BBS9: variants seen among roughly 807,000 people sequenced by gnomAD.
BBS9 encodes Bardet-Biedl syndrome 9.
Under a neutral mutation model 117.7 loss-of-function variants are expected in BBS9, and 89 were observed. The ratio of observed to expected loss-of-function variants is 0.76; its 90% CI spans 0.64 to 0.90. The LOEUF (loss-of-function observed/expected upper bound fraction) is 0.90, where lower values mean the gene tolerates loss of function less well. BBS9 is among the 40% of genes least tolerant of loss of function. The probability of loss-of-function intolerance (pLI) is 0.00; values close to 1 mark genes in which losing one functional copy is unlikely to be tolerated. For missense variants in BBS9, 982 were observed against 1,042.2 expected (o/e 0.94, Z 0.80); for synonymous variants, 379 against 370.9 (o/e 1.02, Z -0.25).
At chr7:33,342,630 TA>T (rs1563030079) in intron 11 of BBS9, among the ~76,000 whole-genome samples, 2 of 152,188 alleles carry the variant, frequency 1.3e-5, no homozygotes, top group African/African-American at 4.8e-5. Flanking sequence ...TTTTCTTTCT[TA>T]AGAGATTTCT....
At chr7:33,603,132 G>A (rs1317099422) in intron 21 of BBS9, among the ~76,000 whole-genome samples, 1 of 152,138 alleles carries the variant, frequency 6.6e-6, no homozygotes, top group Non-Finnish European at 1.5e-5. Context: ...TGTTGGCTGG[G>A]GGACGTCTCT....
chr7:33,173,764 G>T (rs1441999295), intron 4 of BBS9, among the ~76,000 whole-genome samples: 1 of 151,972 alleles, frequency 6.6e-6, no homozygotes, highest in Non-Finnish European at 1.5e-5. Flanking sequence ...TACTGCTTCT[G>T]GGGCCTAATA....
At chr7:33,471,729 T>C (rs1407905068) in intron 19 of BBS9, among the ~76,000 whole-genome samples, 1 of 152,234 alleles carries the variant, frequency 6.6e-6, no homozygotes, top group Non-Finnish European at 1.5e-5. Flanking sequence ...CAGAGGCAGC[T>C]GGGCAACAGA....
At chr7:33,617,781 A>G (rs1422255956) in intron 21 of BBS9, among the ~76,000 whole-genome samples, 1 of 152,228 alleles carries the variant, frequency 6.6e-6, no homozygotes, top group East Asian at 1.9e-4. Context: ...CTCCAATTGG[A>G]GACTCAATTG....
At chr7:33,139,834 C>G (rs1791155725) in intron 1 of BBS9, among the ~76,000 whole-genome samples, 1 of 152,174 alleles carries the variant, frequency 6.6e-6, no homozygotes, top group South Asian at 2.1e-4. Flanking sequence ...AATTTCTGTC[C>G]TTAGCTATGT....
intron 21 of BBS9, among the ~76,000 whole-genome samples, chr7:33,628,069 A>G (rs1865725007): frequency 6.6e-6 from 1 of 152,216 alleles, no homozygotes; most frequent in African/African-American, 2.4e-5. Context: ...TGGCAAATTC[A>G]CTGGAGAATT....
At chr7:33,566,471 A>G (rs577832080) in intron 21 of BBS9, among the ~76,000 whole-genome samples, 1 of 152,176 alleles carries the variant, frequency 6.6e-6, no homozygotes, top group African/African-American at 2.4e-5. Context: ...ATCACCCTTA[A>G]AGTTCCCACT....
At chr7:33,381,465 C>T (rs980739820) in intron 17 of BBS9, among the ~76,000 whole-genome samples, 1 of 152,050 alleles carries the variant, frequency 6.6e-6, no homozygotes, top group African/African-American at 2.4e-5. Context: ...TAAATACAAT[C>T]TAGAGTTAAT....
At chr7:33,308,293 G>A (rs369507047) in intron 9 of BBS9, among the ~76,000 whole-genome samples, 6 of 152,114 alleles carry the variant, frequency 3.9e-5, no homozygotes, top group African/African-American at 1.4e-4. Context: ...TCCAGACCCC[G>A]CTTCTCTCTT....
chr7:33,262,629 C>T (rs1339559338), intron 6 of BBS9, among the ~76,000 whole-genome samples: 1 of 152,152 alleles, frequency 6.6e-6, no homozygotes, highest in Middle Eastern at 3.2e-3. Context: ...GATTTTGTAG[C>T]ATGGTCTTAC....
Position 33,357,946 on chromosome 7 carries a change from T to A in BBS9, c.1644T>A (p.Ile548=). The change falls in exon 16 of 23, where the codon ATT becomes ATA. Residue 548 remains isoleucine (I), a synonymous_variant. Transcript: ENST00000242067. ...GQPSKTASHK[I]TIDTNKSPVS... ...CTTCAAAAACTGCAAGCCACAAAAT[T>A]ACTATTGATACCAACAAATCTCCAG... is the stretch of plus-strand genomic sequence containing the variant. The A allele has an allele frequency of 3.1e-6, 5 of 1,612,666 alleles. No homozygotes were observed. The highest frequency in any genetic ancestry group is 4.2e-6 in the Non-Finnish European group (5 of 1,178,972).
chr7:33,177,581 TG>T lies in BBS9; in HGVS notation c.434del (p.Gly145ValfsTer2), dbSNP rs1408974101. On this transcript the variant is annotated frameshift_variant, in exon 5 of 23. Transcript: ENST00000242067. LOFTEE classifies it high-confidence loss of function. Reference sequence around the variant, plus strand: ...GCAATATGACCTATGGATCATTTGGTGGTGTAAAAGGTAATTTGCTTTTAAT... The same window carrying T: ...GCAATATGACCTATGGATCATTTGGTGTGTAAAAGGTAATTTGCTTTTAAT... ...ACNMTYGSFG[G>X]VKGRDLICIQ... 1 of 1,609,992 alleles carries T rather than the reference TG, an allele frequency of 6.2e-7. No individual in the cohort carries two copies. The highest frequency in any genetic ancestry group is 2.2e-5 in the East Asian group (1 of 44,794).
At chr7:33,445,160 T>G (rs1390992359) in intron 19 of BBS9, among the ~76,000 whole-genome samples, 1 of 152,152 alleles carries the variant, frequency 6.6e-6, no homozygotes, top group Non-Finnish European at 1.5e-5. Flanking sequence ...GGAGAATCTG[T>G]GTAAGGACCT....
intron 21 of BBS9, among the ~76,000 whole-genome samples, chr7:33,543,108 C>T (rs1852668831): frequency 6.6e-6 from 1 of 152,164 alleles, no homozygotes; most frequent in South Asian, 2.1e-4. Context: ...TTTACTGCAT[C>T]CACGCCAACA....
intron 19 of BBS9, among the ~76,000 whole-genome samples, chr7:33,405,052 G>C (rs146727901): frequency 2.3e-3 from 345 of 152,306 alleles, no homozygotes; most frequent in African/African-American, 8.2e-3. Context: ...TTTTTAGCAT[G>C]AAGTGTTGTT....
chr7:33,441,049 C>G (rs1393449875), intron 19 of BBS9, among the ~76,000 whole-genome samples: 1 of 152,046 alleles, frequency 6.6e-6, no homozygotes, highest in African/African-American at 2.4e-5. Flanking sequence ...ATTTTCCGAA[C>G]ACTTCAACAG....
chr7:33,312,023 T>C (rs910402006), intron 9 of BBS9, among the ~76,000 whole-genome samples: 1 of 152,216 alleles, frequency 6.6e-6, no homozygotes, highest in African/African-American at 2.4e-5. Context: ...AATACAAGGT[T>C]TCTTGCCAAT....
intron 21 of BBS9, among the ~76,000 whole-genome samples, chr7:33,559,075 T>A (rs1000360891): frequency 3.9e-5 from 6 of 152,220 alleles, no homozygotes; most frequent in African/African-American, 1.4e-4. Context: ...GTATTCAGCT[T>A]AAGCGTAAGT....
chr7:33,526,077 T>C (rs370423138), intron 20 of BBS9, among the ~76,000 whole-genome samples: 2,193 of 150,432 alleles, frequency 0.015, 21 homozygotes, highest in Middle Eastern at 0.035. Flanking sequence ...AATATTGGCC[T>C]CCACTCTCTT....
Sources: allele counts gnomAD v4.1 joint callset (sites outside exome capture counted in the v4.1 genomes callset), GRCh38; gene constraint gnomAD v4.1.1; transcripts MANE v1.5; gene names NCBI Gene and HGNC (gene_info 2026-07-23, HGNC 2026-07-21).